Variants in SEC31B observed in about 807,000 individuals in gnomAD.
SEC31B encodes the protein protein transport protein Sec31B.
In SEC31B, 113 loss-of-function variants were observed where a neutral mutation model predicts 135.0. The ratio of observed to expected loss-of-function variants is 0.84; its 90% confidence interval spans 0.72 to 0.98. SEC31B has a LOEUF of 0.98. Ranked by LOEUF, SEC31B falls within the 50% of genes least tolerant of loss-of-function variation. The pLI is 0.00. For missense variants in SEC31B, 1,296 were observed against 1,421.1 expected, an observed-to-expected ratio of 0.91 and a Z score of 1.42; for synonymous variants, 508 against 549.4, an observed-to-expected ratio of 0.92 and a Z score of 1.05.
chr10:100,489,532 T>C, intron 22 of SEC31B, 134 bp from the exon 23 acceptor site: 1 of 1,332,650 alleles, frequency 7.5e-7, no homozygotes, highest in Non-Finnish European at 1.0e-6. Flanking sequence ...AGGAGACTGG[T>C]GTATGTGTGT....
chr10:100,489,646 T>G, intron 22 of SEC31B, 57 bp downstream of exon 22: 3 of 1,611,990 alleles, frequency 1.9e-6, no homozygotes, highest in Non-Finnish European at 1.7e-6. Flanking sequence ...CTCCAAGGAA[T>G]TAGAACGTGG....
At chr10:100,517,188 A>C in intron 1 of SEC31B, 191 bp from the exon 2 acceptor site, 1 of 550,362 alleles carries the variant, frequency 1.8e-6, no homozygotes, top group Non-Finnish European at 3.2e-6. Flanking sequence ...TAAACCTCAA[A>C]TGATACTCAA....
chr10:100,509,128 A>T (rs770358997), intron 4 of SEC31B, 26 bp from the exon 5 acceptor site: 1 of 1,601,036 alleles, frequency 6.2e-7, no homozygotes, highest in Non-Finnish European at 8.6e-7. Context: ...GTGTTTGGAG[A>T]CATACCACCC....
chr10:100,516,140 A>T lies in SEC31B; in HGVS notation c.159T>A (p.Pro53=). The part of the protein sequence containing the change: ...LEIFEVDFRD[P]SLDLKHRGVL... The stretch of plus-strand genomic sequence containing the variant: ...CTCCTCTGTGTTTCAAGTCCAGAGA[A>T]GGGTCCCTGAAATCAACCTCAAATA... Residue 53 remains proline, a synonymous_variant, in exon 3 of 26, where the codon CCT becomes CCA. Transcript: ENST00000370345. The T allele has an allele frequency of 6.2e-7, 1 of 1,614,066 alleles. No homozygotes were observed. The highest frequency in any genetic ancestry group is 8.5e-7 in the Non-Finnish European group (1 of 1,179,992).
At position 100,516,180 on chromosome 10, in the gene SEC31B, T is replaced by C. The variant is rs1851839480; in HGVS notation, c.119A>G (p.Asn40Ser). The C allele has an allele frequency of 1.9e-6, 3 of 1,613,826 alleles. No homozygotes were observed. The highest frequency in any genetic ancestry group is 2.7e-5 in the African/African-American group (2 of 74,902). ...AQQLDSSFSTNGTLEIFEVDF... is the reference protein window; with the variant it reads ...AQQLDSSFSTSGTLEIFEVDF... Reference sequence around the variant, plus strand: ...AACCTCAAATATTTCCAATGTGCCATTTGTGCTGAAGGAGGAATCTAGCTG... The same window carrying C: ...AACCTCAAATATTTCCAATGTGCCACTTGTGCTGAAGGAGGAATCTAGCTG... Residue 40 changes from asparagine to serine, a missense_variant, in exon 3 of 26, where the codon AAT becomes AGT. By Grantham distance (46) the Asn-to-Ser change is conservative (BLOSUM62 1). Coordinates refer to ENST00000370345, the MANE Select transcript of SEC31B (RefSeq NM_015490.4).
chr10:100,509,224 C>T, intron 4 of SEC31B, 92 bp downstream of exon 4: 8 of 1,499,282 alleles, frequency 5.3e-6, no homozygotes, highest in Non-Finnish European at 7.4e-6. Context: ...GGAAAGGGGT[C>T]AGAGTTACAG....
At chr10:100,497,463 GT>G in intron 16 of SEC31B, 183 bp from the exon 17 acceptor site, 1 of 1,472,968 alleles carries the variant, frequency 6.8e-7, no homozygotes, top group East Asian at 2.4e-5. Context: ...ACAAGACAAG[GT>G]AAAACAGGAC....
chr10:100,490,175 G>A lies in SEC31B; in HGVS notation c.2798C>T (p.Thr933Ile). 1 of 1,607,454 alleles carries A rather than the reference G, an allele frequency of 6.2e-7. No individual in the cohort carries two copies. The highest frequency in any genetic ancestry group is 1.7e-5 in the Admixed American group (1 of 59,276). The change falls in exon 21 of 26, where the codon ACT (threonine) becomes ATT (isoleucine). Residue 933 changes from threonine to isoleucine, a missense_variant. Thr to Ile is a moderately conservative substitution (Grantham distance 89). Transcript: ENST00000370345. ...AGGAAGCAGAGGGAACAGTCTAGGA[G>A]TCTCAGGCAGGGAGGTAGAGCCAGG... ...MRPGSTSLPE[T>I]PRLFPLLPLR...
At chr10:100,497,635 C>T in intron 16 of SEC31B, 32 bp downstream of exon 16, 3 of 1,614,056 alleles carry the variant, frequency 1.9e-6, no homozygotes, top group Non-Finnish European at 2.5e-6. Context: ...GGAGTCACAC[C>T]ATTTCATCCT....
At chr10:100,502,197 T>A in intron 11 of SEC31B, 57 bp downstream of exon 11, 1 of 1,358,058 alleles carries the variant, frequency 7.4e-7, no homozygotes, top group East Asian at 2.3e-5. Flanking sequence ...TTGACAGAGG[T>A]TGGAGTTCCA....
chr10:100,494,913 C>T, intron 19 of SEC31B: 2 of 176,304 alleles, frequency 1.1e-5, no homozygotes, highest in Admixed American at 6.0e-5. Flanking sequence ...TCAACCTCCA[C>T]CTCCCAGGTT....
chr10:100,500,312 GTTTCT>G (rs777666774), intron 11 of SEC31B, among the ~76,000 whole-genome samples: 2 of 151,488 alleles, frequency 1.3e-5, no homozygotes, highest in African/African-American at 2.4e-5. Context: ...GAGTCTAAAT[GTTTCT>G]TTTCTTTTTT....
chr10:100,488,719 C>T (rs1049017563), intron 24 of SEC31B, 139 bp downstream of exon 24: 24 of 1,190,276 alleles, frequency 2.0e-5, no homozygotes, highest in Middle Eastern at 6.0e-4. Flanking sequence ...TCCACATGGA[C>T]GTCAATTAAG....
chr10:100,496,405 A>C lies in SEC31B; in HGVS notation c.2163T>G (p.Leu721=), dbSNP rs1218580326. 24 of 1,614,024 alleles carry C rather than the reference A, an allele frequency of 1.5e-5. No individual in the cohort carries two copies. The highest frequency in any genetic ancestry group is 2.0e-5 in the Non-Finnish European group (24 of 1,180,016). Residue 721 remains leucine (L), a synonymous_variant, in exon 18 of 26, where the codon CTT becomes CTG. Transcript: ENST00000370345. ...CCCGCAGTTGCTCCAAGCTCCTGTTAAGAACCATCACCTTCTCCATCAGGT... is the reference window on the plus strand; with the variant it reads ...CCCGCAGTTGCTCCAAGCTCCTGTTCAGAACCATCACCTTCTCCATCAGGT... The part of the protein sequence containing the change: ...LQDLMEKVMV[L]NRSLEQLRGP...
intron 7 of SEC31B, 74 bp downstream of exon 7, chr10:100,507,351 G>C: frequency 6.4e-7 from 1 of 1,572,256 alleles, no homozygotes; most frequent in Non-Finnish European, 8.7e-7. Context: ...TAAAGTGAGG[G>C]ATACATTGCC....
intron 14 of SEC31B, 24 bp from the exon 15 acceptor site, chr10:100,498,231 G>A (rs201192672): frequency 1.3e-5 from 21 of 1,612,742 alleles, no homozygotes; most frequent in Non-Finnish European, 1.8e-5. Flanking sequence ...CATCCCCTGT[G>A]CATTAGTTGC....
chr10:100,488,894 C>G lies in SEC31B; in HGVS notation c.3252G>C (p.Ala1084=). 1 of 1,608,052 alleles carries G rather than the reference C, an allele frequency of 6.2e-7. No individual in the cohort carries two copies. The highest frequency in any genetic ancestry group is 2.2e-5 in the East Asian group (1 of 44,680). The change falls in exon 24 of 26, where the codon GCG becomes GCC. Residue 1084 remains alanine (A), a synonymous_variant. Transcript: ENST00000370345. The part of the protein sequence containing the change: ...EHQSLKSSFE[A]LLQRCSLSAT... ...CAGACAGGGAGCAGCGTTGGAGAAG[C>G]GCCTCAAAGCTGCTCTTCAAGGACT...
intron 23 of SEC31B, 51 bp from the exon 24 acceptor site, chr10:100,489,025 C>T (rs1851245935): frequency 6.4e-7 from 1 of 1,556,914 alleles, no homozygotes; most frequent in Non-Finnish European, 8.7e-7. Context: ...CTGTCCTTCT[C>T]ATGGCTTCCC....
chr10:100,491,095 C>T (rs999665294), intron 19 of SEC31B, among the ~76,000 whole-genome samples: 1 of 152,226 alleles, frequency 6.6e-6, no homozygotes, highest in South Asian at 2.1e-4. Flanking sequence ...TTACAACAGA[C>T]CCTGAAGCCA....
Sources: allele counts gnomAD v4.1 joint callset (sites outside exome capture counted in the v4.1 genomes callset), GRCh38; gene constraint gnomAD v4.1.1; transcripts MANE v1.5; gene names NCBI Gene and HGNC (gene_info 2026-07-23, HGNC 2026-07-21).